WLS: variants seen among roughly 807,000 people sequenced by gnomAD.
WLS encodes the protein Wnt ligand secretion mediator.
Under a neutral mutation model 62.8 loss-of-function variants are expected in WLS, and 23 were observed. That is an observed-to-expected ratio of 0.37 (90% confidence interval 0.26 to 0.52). WLS has a LOEUF of 0.52. WLS is among the 20% of genes least tolerant of loss of function. The probability of loss-of-function intolerance (pLI) is 0.92; values close to 1 mark genes in which losing one functional copy is unlikely to be tolerated. For synonymous variants in WLS, 246 were observed against 244.1 expected (o/e 1.01, Z -0.07); for missense variants, 615 against 697.3 (o/e 0.88, Z 1.33).
intron 1 of WLS, among the ~76,000 whole-genome samples, chr1:68,217,582 G>T (rs761823937): frequency 1.3e-5 from 2 of 152,196 alleles, no homozygotes; most frequent in Non-Finnish European, 2.9e-5. Flanking sequence ...ACCCCAAACT[G>T]ACTGAAGAAT....
chr1:68,217,699 G>A (rs1188541428), intron 1 of WLS, among the ~76,000 whole-genome samples: 1 of 152,096 alleles, frequency 6.6e-6, no homozygotes, highest in Non-Finnish European at 1.5e-5. Context: ...CATAACCCTG[G>A]GCTTTGGATA....
At chr1:68,125,170 T>G (rs1646411062), downstream of WLS, among the ~76,000 whole-genome samples, 1 of 152,228 alleles carries the variant, frequency 6.6e-6, no homozygotes, top group African/African-American at 2.4e-5. Context: ...GTCACGCATA[T>G]GAGCATCCCT....
chr1:68,166,931 A>T (rs1647068320), intron 2 of WLS, among the ~76,000 whole-genome samples: 1 of 152,186 alleles, frequency 6.6e-6, no homozygotes, highest in Non-Finnish European at 1.5e-5. Flanking sequence ...GCATCCTGCC[A>T]TCTTTTATGA....
intron 2 of WLS, among the ~76,000 whole-genome samples, chr1:68,180,054 A>G (rs1016874580): frequency 6.6e-6 from 1 of 152,032 alleles, no homozygotes; most frequent in African/African-American, 2.4e-5. Flanking sequence ...GTTCAGGCCA[A>G]GCAAATGACT....
intron 3 of WLS, among the ~76,000 whole-genome samples, chr1:68,157,827 T>G (rs1030816691): frequency 6.6e-6 from 1 of 152,174 alleles, no homozygotes; most frequent in South Asian, 2.1e-4. Flanking sequence ...GTGCCCTCCA[T>G]GTGTATAAAT....
At chr1:68,218,584 T>C (rs1014141701) in intron 1 of WLS, among the ~76,000 whole-genome samples, 2 of 152,236 alleles carry the variant, frequency 1.3e-5, no homozygotes, top group Non-Finnish European at 2.9e-5. Context: ...CACTGCCGTT[T>C]TGAGGCCTTG....
intron 1 of WLS, among the ~76,000 whole-genome samples, chr1:68,223,066 T>G (rs561852535): frequency 1.6e-4 from 24 of 152,296 alleles, no homozygotes; most frequent in African/African-American, 5.5e-4. Context: ...GTTACCATAC[T>G]TCTACAAGTC....
intron 5 of WLS, among the ~76,000 whole-genome samples, chr1:68,151,300 A>T (rs1386468288): frequency 1.3e-5 from 2 of 152,220 alleles, no homozygotes; most frequent in African/African-American, 4.8e-5. Context: ...AAATGACAGG[A>T]CATGAGACCA....
chr1:68,128,504 G>C (rs1224883554), intron 11 of WLS, among the ~76,000 whole-genome samples: 1 of 152,124 alleles, frequency 6.6e-6, no homozygotes, highest in African/African-American at 2.4e-5. Flanking sequence ...ACTCATAACC[G>C]TTTACCTAAG....
chr1:68,192,664 G>A lies in WLS; in HGVS notation c.379+1291C>T, dbSNP rs1186839230. On this transcript the variant is annotated intron_variant, in intron 2 of 11. Coordinates refer to ENST00000262348, the MANE Select transcript of WLS (RefSeq NM_024911.7). ...TGAGGCTGAGGTGGGAGGATAGCTT[G>A]AACCCAGGAGTTCGAGGATGCAGTG... is the stretch of plus-strand genomic sequence containing the variant. Among the ~76,000 whole-genome samples, 4 of 149,984 alleles carry A rather than the reference G, an allele frequency of 2.7e-5. No homozygotes were observed. The East Asian group carries it at 7.9e-4, about 29-fold the overall frequency.
intron 11 of WLS, among the ~76,000 whole-genome samples, chr1:68,101,308 A>G (rs1646075293): frequency 6.6e-6 from 1 of 151,622 alleles, no homozygotes; most frequent in Admixed American, 6.6e-5. Context: ...CATATTTGCT[A>G]TTATTATTAT....
intron 7 of WLS, 116 bp downstream of exon 7, chr1:68,148,447 C>T: frequency 3.5e-6 from 4 of 1,138,594 alleles, no homozygotes; most frequent in Admixed American, 2.1e-5. Flanking sequence ...ACGTCCAGTG[C>T]TTCCAAACCA....
At chr1:68,182,034 A>G in intron 2 of WLS, among the ~76,000 whole-genome samples, 1 of 152,222 alleles carries the variant, frequency 6.6e-6, no homozygotes, top group East Asian at 1.9e-4. Flanking sequence ...TCAACACCAT[A>G]GAAGAGTGTT....
intron 11 of WLS, among the ~76,000 whole-genome samples, chr1:68,131,916 A>C (rs1473297621): frequency 6.6e-6 from 1 of 152,198 alleles, no homozygotes; most frequent in Admixed American, 6.5e-5. Context: ...ATCCATCTAC[A>C]AGCCAGACAG....
chr1:68,191,829 C>G (rs1415420509), intron 2 of WLS, among the ~76,000 whole-genome samples: 3 of 152,208 alleles, frequency 2.0e-5, no homozygotes, highest in African/African-American at 7.2e-5. Flanking sequence ...TTTGCTCATC[C>G]TCACCTCCTC....
chr1:68,127,672 CAT>C (rs748490661), intron 11 of WLS, among the ~76,000 whole-genome samples: 1 of 152,180 alleles, frequency 6.6e-6, no homozygotes, highest in Admixed American at 6.5e-5. Flanking sequence ...GTGCACATAT[CAT>C]ATGATAAGTT....
At chr1:68,227,552 A>G (rs1650215336) in intron 1 of WLS, among the ~76,000 whole-genome samples, 1 of 152,152 alleles carries the variant, frequency 6.6e-6, no homozygotes, top group Non-Finnish European at 1.5e-5. Context: ...ACTCTTTTTA[A>G]GAGTTTACAA....
chr1:68,226,088 CCATTT>C (rs1650127601), intron 1 of WLS, among the ~76,000 whole-genome samples: 1 of 152,186 alleles, frequency 6.6e-6, no homozygotes, highest in Admixed American at 6.5e-5. Flanking sequence ...CAGCTGGACT[CCATTT>C]CATTTATCAT....
intron 11 of WLS, among the ~76,000 whole-genome samples, chr1:68,129,659 G>T (rs773761251): frequency 6.6e-6 from 1 of 152,162 alleles, no homozygotes; most frequent in Non-Finnish European, 1.5e-5. Flanking sequence ...GTGTGTGAAC[G>T]TGGCAGTAAC....
Sources: gnomAD v4.1 joint callset for allele counts (sites outside exome capture counted in the v4.1 genomes callset) on GRCh38, gnomAD v4.1.1 for gene constraint, MANE v1.5 for transcripts, NCBI Gene and HGNC (gene_info 2026-07-23, HGNC 2026-07-21) for gene names.